Variants in DNAH14 observed in about 807,000 individuals in gnomAD.
The protein encoded by DNAH14 is axonemal beta dynein heavy chain 14.
In DNAH14, 478 loss-of-function variants were observed where a neutral mutation model predicts 520.9. The ratio of observed to expected loss-of-function variants is 0.92; its 90% CI spans 0.85 to 0.99. The LOEUF (loss-of-function observed/expected upper bound fraction) is 0.99. DNAH14 is among the 50% of genes least tolerant of loss of function. The pLI is 0.00. For synonymous variants in DNAH14, 1,581 were observed against 1,757.2 expected, an observed-to-expected ratio of 0.90 and a Z score of 2.51; for missense variants, 4,831 against 5,234.5, an observed-to-expected ratio of 0.92 and a Z score of 2.38.
At chr1:225,114,310 C>T (rs565052397) in intron 23 of DNAH14, among the ~76,000 whole-genome samples, 2 of 152,238 alleles carry the variant, frequency 1.3e-5, no homozygotes, top group South Asian at 2.1e-4. Context: ...ATGGGAGCCT[C>T]ATGACCCTGC....
At chr1:225,254,886 C>G (rs187009312) in intron 44 of DNAH14, among the ~76,000 whole-genome samples, 26 of 152,292 alleles carry the variant, frequency 1.7e-4, no homozygotes, top group African/African-American at 6.0e-4. Flanking sequence ...ATTGTTTCAA[C>G]TCACGTCATG....
intron 21 of DNAH14, among the ~76,000 whole-genome samples, chr1:225,091,474 G>T (rs1247429102): frequency 6.6e-6 from 1 of 152,058 alleles, no homozygotes; most frequent in Non-Finnish European, 1.5e-5. Context: ...TTCATATCCA[G>T]CCAAATTAGA....
chr1:225,316,067 G>A (rs2094462316), intron 60 of DNAH14, among the ~76,000 whole-genome samples: 1 of 152,256 alleles, frequency 6.6e-6, no homozygotes, highest in Non-Finnish European at 1.5e-5. Context: ...GAGGTATCTA[G>A]AGAGAGAGTC....
At chr1:225,273,937 T>C (rs1435726673) in intron 52 of DNAH14, among the ~76,000 whole-genome samples, 3 of 152,184 alleles carry the variant, frequency 2.0e-5, no homozygotes, top group Non-Finnish European at 1.5e-5. Flanking sequence ...TTCTGTCTTC[T>C]CTGGTGGTGC....
At chr1:225,317,342 C>T (rs2094485489) in intron 60 of DNAH14, among the ~76,000 whole-genome samples, 1 of 151,892 alleles carries the variant, frequency 6.6e-6, no homozygotes, top group Non-Finnish European at 1.5e-5. Context: ...TTGGTATGAC[C>T]TAAAATTTTT....
intron 36 of DNAH14, among the ~76,000 whole-genome samples, chr1:225,176,907 A>G (rs1053137699): frequency 6.6e-5 from 10 of 152,204 alleles, no homozygotes; most frequent in African/African-American, 2.4e-4. Flanking sequence ...GTAAACTGGT[A>G]CCAGTAGAGT....
rs1265356833 is a variant in DNAH14, at chr1:225,387,092, A to G, written c.13078-1287A>G. On this transcript the variant is annotated intron_variant, in intron 81 of 85. Coordinates refer to ENST00000682510, the MANE Select transcript of DNAH14 (RefSeq NM_001367479.1). ...ATGAGTTCATGTCCTTTGTAGGGACATGGATGAAGCTGGAAACCATCATTC... is the reference window on the plus strand; with the variant it reads ...ATGAGTTCATGTCCTTTGTAGGGACGTGGATGAAGCTGGAAACCATCATTC... 2.0e-5 allele frequency among the ~76,000 whole-genome samples: 3 copies of G among 152,292 alleles called. No individual in the cohort carries two copies. The South Asian group carries it at 6.2e-4, about 32-fold the overall frequency.
At chr1:225,224,623 C>G (rs2090367971) in intron 41 of DNAH14, among the ~76,000 whole-genome samples, 1 of 152,170 alleles carries the variant, frequency 6.6e-6, no homozygotes, top group Non-Finnish European at 1.5e-5. Flanking sequence ...GCCCTTCCTG[C>G]TGAGAAACTA....
At chr1:225,366,337 A>C (rs766097892) in intron 76 of DNAH14, among the ~76,000 whole-genome samples, 4 of 152,170 alleles carry the variant, frequency 2.6e-5, no homozygotes, top group Non-Finnish European at 5.9e-5. Context: ...AGGCCAAATA[A>C]ATTATGATGT....
At chr1:224,933,852 C>T (rs144812263) in intron 1 of DNAH14, among the ~76,000 whole-genome samples, 1 of 151,934 alleles carries the variant, frequency 6.6e-6, no homozygotes, top group Non-Finnish European at 1.5e-5. Flanking sequence ...AGTTTTGCGT[C>T]TATGTTCATG....
intron 61 of DNAH14, 131 bp from the exon 62 acceptor site, chr1:225,322,533 T>C (rs369393018): frequency 1.2e-6 from 1 of 829,830 alleles, no homozygotes; most frequent in Non-Finnish European, 1.7e-6. Flanking sequence ...ATTAAATAGC[T>C]ATATGTTGAC....
chr1:225,230,998 G>C (rs1300855534), intron 41 of DNAH14, 75 bp from the exon 42 acceptor site: 1 of 1,011,140 alleles, frequency 9.9e-7, no homozygotes, highest in African/African-American at 1.6e-5. Context: ...AATGTTAAAG[G>C]TTAAACCTCA....
chr1:225,056,921 T>G (rs1308998606), intron 17 of DNAH14, among the ~76,000 whole-genome samples: 1 of 152,224 alleles, frequency 6.6e-6, no homozygotes, highest in East Asian at 1.9e-4. Context: ...CCATGCTGTT[T>G]CGGTTACTGT....
At chr1:225,163,137 CAAAAAAAAAAA>C (rs34356854) in intron 35 of DNAH14, among the ~76,000 whole-genome samples, 1 of 53,684 alleles carries the variant, frequency 1.9e-5, no homozygotes, top group African/African-American at 6.8e-5. Context: ...GACCCTATCT[CAAAAAAAAAAA>C]AAAAAAAAAA....
In DNAH14 at chr1:225,265,279, C is replaced by T; in HGVS notation, c.7320C>T (p.Thr2440=). Residue 2440 remains threonine (T), a synonymous_variant, in exon 48 of 86, where the codon ACC becomes ACT. Transcript: ENST00000682510. ...TAGTCTCTACAATAAATTTTAGCAC[C>T]AATGTAACAGCTGCCAAAACCAAGG... is the stretch of plus-strand genomic sequence containing the variant. The part of the protein sequence containing the change: ...GVVVSTINFS[T]NVTAAKTKEM... 6.5e-7 allele frequency: 1 copy of T among 1,544,182 alleles called. No individual in the cohort carries two copies. Among genetic ancestry groups the T allele is most frequent in the Non-Finnish European group, 8.7e-7 (1 of 1,144,634 alleles).
At chr1:225,206,817 A>C in intron 40 of DNAH14, 151 bp from the exon 41 acceptor site, 1 of 681,514 alleles carries the variant, frequency 1.5e-6, no homozygotes, top group Non-Finnish European at 2.3e-6. Context: ...TTAATTCCTT[A>C]AGCTACTTTG....
chr1:225,240,568 A>G, intron 42 of DNAH14, 25 bp from the exon 43 acceptor site: 7 of 1,360,240 alleles, frequency 5.1e-6, no homozygotes, highest in Non-Finnish European at 6.1e-6. Context: ...GTTAACCTTC[A>G]TCCTTCCATA....
Position 225,206,160 on chromosome 1 carries a change from G to T in DNAH14, c.6167G>T (p.Arg2056Leu), listed in dbSNP as rs755212334. 2.9e-5 allele frequency: 45 copies of T among 1,550,920 alleles called. No homozygotes were observed. In the South Asian group the frequency reaches 5.0e-4, roughly 17 times the overall value. ...CAGGCCAGTCCTGCTACTGTCAGCCGATGTGCCATGGTCTATATGGTAAGC... is the reference window on the plus strand; with the variant it reads ...CAGGCCAGTCCTGCTACTGTCAGCCTATGTGCCATGGTCTATATGGTAAGC... ...LSQASPATVS[R>L]CAMVYMDPVD... The change falls in exon 40 of 86, where the codon CGA (arginine) becomes CTA (leucine). Residue 2056 changes from arginine (R) to leucine (L), a missense_variant. Physicochemically the swap from Arg to Leu is moderately radical, Grantham distance 102 (BLOSUM62 -2). Coordinates refer to ENST00000682510, the MANE Select transcript of DNAH14 (RefSeq NM_001367479.1).
intron 77 of DNAH14, among the ~76,000 whole-genome samples, chr1:225,373,232 G>A (rs537058585): frequency 5.9e-5 from 9 of 152,060 alleles, no homozygotes; most frequent in Non-Finnish European, 1.0e-4. Flanking sequence ...GGGCGCGGTG[G>A]GTAATCCCAG....
Sources: gnomAD v4.1 joint callset for allele counts (sites outside exome capture counted in the v4.1 genomes callset) on GRCh38, gnomAD v4.1.1 for gene constraint, MANE v1.5 for transcripts, NCBI Gene and HGNC (gene_info 2026-07-23, HGNC 2026-07-21) for gene names.